Variants in OSTN observed in about 807,000 individuals in gnomAD.
OSTN encodes the protein osteocrin.
OSTN carries 9 observed loss-of-function variants against 12.0 expected under a neutral mutation model. That is an observed-to-expected ratio of 0.75 (90% confidence interval 0.45 to 1.30). The LOEUF is 1.30. Ranked by LOEUF, OSTN falls within the 50% of genes most tolerant of loss-of-function variation. The probability of loss-of-function intolerance (pLI) is 0.00; values close to 1 mark genes in which losing one functional copy is unlikely to be tolerated. For missense variants in OSTN, 148 were observed against 152.3 expected, an observed-to-expected ratio of 0.97 and a Z score of 0.15; for synonymous variants, 59 against 56.9, an observed-to-expected ratio of 1.04 and a Z score of -0.16.
At chr3:191,238,435 G>A (rs1207386186) in intron 3 of OSTN, among the ~76,000 whole-genome samples, 1 of 152,174 alleles carries the variant, frequency 6.6e-6, no homozygotes. Context: ...TATGACAAGA[G>A]GAAGTAGAGG....
chr3:191,213,215 A>G lies in OSTN; in HGVS notation c.102+581A>G, dbSNP rs894494852. Reference sequence around the variant, plus strand: ...ACATTTCATTTCTACTAGAGTAAGAAGGAGGTGCAGCTACCAATAAGAAAA... The same window carrying G: ...ACATTTCATTTCTACTAGAGTAAGAGGGAGGTGCAGCTACCAATAAGAAAA... On this transcript the variant is annotated intron_variant, in intron 2 of 4. Transcript: ENST00000682035. 3.3e-5 allele frequency: 5 copies of G among 152,318 alleles called. No homozygotes were observed. The East Asian group carries it at 9.6e-4, about 29-fold the overall frequency. 9.4% of individuals were successfully genotyped at this position (152,318 alleles called of 1,614,324 possible).
intron 1 of OSTN, among the ~76,000 whole-genome samples, chr3:191,202,360 C>G (rs763421397): frequency 1.3e-5 from 2 of 152,174 alleles, no homozygotes; most frequent in Non-Finnish European, 2.9e-5. Flanking sequence ...CTAGACAGGA[C>G]AAGCGGTTGA....
intron 3 of OSTN, among the ~76,000 whole-genome samples, chr3:191,233,554 A>G (rs112288701): frequency 0.015 from 2,219 of 152,204 alleles, 54 homozygotes; most frequent in African/African-American, 0.051. Flanking sequence ...CTCCTGCCTC[A>G]GCCTACCAAG....
chr3:191,214,760 C>T (rs962147308), intron 2 of OSTN, among the ~76,000 whole-genome samples: 3 of 152,114 alleles, frequency 2.0e-5, no homozygotes, highest in Admixed American at 6.5e-5. Flanking sequence ...GTGGTGTAAT[C>T]CCAGCACATT....
At chr3:191,210,441 A>G (rs1439066843) in intron 1 of OSTN, among the ~76,000 whole-genome samples, 1 of 152,242 alleles carries the variant, frequency 6.6e-6, no homozygotes. Flanking sequence ...GTAGTTATTA[A>G]GGAAATATTT....
At chr3:191,253,290 A>C (rs943791272) in intron 4 of OSTN, among the ~76,000 whole-genome samples, 9 of 152,192 alleles carry the variant, frequency 5.9e-5, no homozygotes, top group African/African-American at 2.2e-4. Flanking sequence ...TTAAAAGTAA[A>C]ACTGCTATCT....
chr3:191,239,156 G>A (rs1292091400), intron 3 of OSTN, among the ~76,000 whole-genome samples: 2 of 152,214 alleles, frequency 1.3e-5, no homozygotes, highest in Non-Finnish European at 2.9e-5. Flanking sequence ...AACAAGGAAA[G>A]AATGAAGTGA....
Position 191,218,979 on chromosome 3 carries a change from A to C in OSTN, c.317+18A>C. On this transcript the variant is annotated intron_variant, in intron 3 of 4. Coordinates refer to ENST00000682035, the MANE Select transcript of OSTN (RefSeq NM_198184.2). Reference sequence around the variant, plus strand: ...AAACAGAGGTAAGTGAACTCAGAAAAAGAAAGTTTTTATTTTCTAATTATT... The same window carrying C: ...AAACAGAGGTAAGTGAACTCAGAAACAGAAAGTTTTTATTTTCTAATTATT... 1 of 1,578,854 alleles carries C rather than the reference A, an allele frequency of 6.3e-7. No homozygotes were observed. The highest frequency in any genetic ancestry group is 8.6e-7 in the Non-Finnish European group (1 of 1,162,984).
intron 4 of OSTN, 122 bp from the exon 5 acceptor site, chr3:191,262,744 A>G: frequency 1.8e-6 from 1 of 559,006 alleles, no homozygotes; most frequent in South Asian, 2.4e-5. Flanking sequence ...CCATGTAAAT[A>G]AAGGCTATAA....
intron 3 of OSTN, among the ~76,000 whole-genome samples, chr3:191,236,393 A>G (rs1715189885): frequency 6.6e-6 from 1 of 152,200 alleles, no homozygotes; most frequent in Non-Finnish European, 1.5e-5. Flanking sequence ...ACAAGAAAGA[A>G]TTTAAGGCAA....
At chr3:191,229,249 A>G (rs982982364) in intron 3 of OSTN, among the ~76,000 whole-genome samples, 5 of 152,240 alleles carry the variant, frequency 3.3e-5, no homozygotes, top group Admixed American at 3.3e-4. Flanking sequence ...TTAACCAGTT[A>G]AAATGTTTTA....
At chr3:191,235,241 G>C (rs1214605583) in intron 3 of OSTN, among the ~76,000 whole-genome samples, 1 of 152,072 alleles carries the variant, frequency 6.6e-6, no homozygotes, top group Non-Finnish European at 1.5e-5. Context: ...ACTTGTACTA[G>C]AAAAATAACC....
chr3:191,218,702 G>T, intron 2 of OSTN, 45 bp from the exon 3 acceptor site: 1 of 1,510,270 alleles, frequency 6.6e-7, no homozygotes, highest in South Asian at 1.1e-5. Context: ...CATACTTGGA[G>T]TCTCTTTGTC....
chr3:191,257,978 T>C (rs1169766318), intron 4 of OSTN, among the ~76,000 whole-genome samples: 1 of 152,172 alleles, frequency 6.6e-6, no homozygotes, highest in African/African-American at 2.4e-5. Flanking sequence ...TTTATTGTTT[T>C]GATTTTAGAA....
Position 191,239,895 on chromosome 3 carries a change from C to T in OSTN, c.318-10142C>T, listed in dbSNP as rs559784896. 1.2e-3 allele frequency among the ~76,000 whole-genome samples: 182 copies of T among 152,254 alleles called. 1 individual carries two copies. The highest frequency in any genetic ancestry group is 4.2e-3 in the African/African-American group (173 of 41,568). On this transcript the variant is annotated intron_variant, in intron 3 of 4. Coordinates refer to ENST00000682035, the MANE Select transcript of OSTN (RefSeq NM_198184.2). ...CCTGTTCAGGTTATCGGCTTGCTTC[C>T]TCTTTTTATTGGAAAACAATGACTA...
At chr3:191,254,505 A>G (rs751872812) in intron 4 of OSTN, among the ~76,000 whole-genome samples, 2 of 152,366 alleles carry the variant, frequency 1.3e-5, no homozygotes, top group Admixed American at 6.5e-5. Context: ...AAAAAATGGA[A>G]GAAAAAATTA....
rs139506883 is a variant in OSTN, at chr3:191,202,639, G to A, written c.-1+3332G>A. Among the ~76,000 whole-genome samples, 133 of 152,214 alleles carry A rather than the reference G, an allele frequency of 8.7e-4. 1 individual carries two copies. Among genetic ancestry groups the A allele is most frequent in the African/African-American group, 2.9e-3 (120 of 41,518 alleles). ...AGTGGAGTAAACAGTGAAGGGGGTC[G>A]TGAAATTCCACATTAACTTCAGATT... On this transcript the variant is annotated intron_variant, in intron 1 of 4. Coordinates refer to ENST00000682035, the MANE Select transcript of OSTN (RefSeq NM_198184.2).
At position 191,225,951 on chromosome 3, in the gene OSTN, C is replaced by T. The variant is rs966058365; in HGVS notation, c.317+6990C>T. On this transcript the variant is annotated intron_variant, in intron 3 of 4. Transcript: ENST00000682035. ...AATAAACCCATGTAGCAAACCTACA[C>T]GTACATACCCTGAATCTAAAATAAA... 5.9e-5 allele frequency among the ~76,000 whole-genome samples: 9 copies of T among 152,040 alleles called. No individual in the cohort carries two copies. The South Asian group carries it at 6.2e-4, about 11-fold the overall frequency.
At chr3:191,212,377 TA>T (rs1714480145) in intron 1 of OSTN, among the ~76,000 whole-genome samples, 155 bp from the exon 2 acceptor site, 1 of 152,242 alleles carries the variant, frequency 6.6e-6, no homozygotes, top group Non-Finnish European at 1.5e-5. Flanking sequence ...CAGCTTCTAT[TA>T]AGTATTATTT....
Sources: allele counts gnomAD v4.1 joint callset (sites outside exome capture counted in the v4.1 genomes callset), GRCh38; gene constraint gnomAD v4.1.1; transcripts MANE v1.5; gene names NCBI Gene and HGNC (gene_info 2026-07-23, HGNC 2026-07-21).